The following SMURF1 variants were observed in gnomAD, a reference collection of about 807,000 sequenced individuals.
The protein encoded by SMURF1 is E3 ubiquitin-protein ligase SMURF1.
In SMURF1, 44 loss-of-function variants were observed where a neutral mutation model predicts 98.0. That is an observed-to-expected ratio of 0.45 (90% CI 0.35 to 0.58). The LOEUF is 0.58. SMURF1 is among the 20% of genes least tolerant of loss of function. SMURF1 has a pLI of 0.00. For synonymous variants in SMURF1, 396 were observed against 374.9 expected (o/e 1.06, Z -0.65); for missense variants, 687 against 938.4 (o/e 0.73, Z 3.50).
At chr7:99,051,335 G>A (rs368530272) in intron 8 of SMURF1, 22 bp downstream of exon 8, 3 of 1,588,110 alleles carry the variant, frequency 1.9e-6, no homozygotes, top group Non-Finnish European at 2.6e-6. Context: ...CAGCTGGGGG[G>A]TGTCCATTTC....
intron 1 of SMURF1, among the ~76,000 whole-genome samples, chr7:99,103,362 T>C (rs1797131340): frequency 6.6e-6 from 1 of 152,190 alleles, no homozygotes; most frequent in Non-Finnish European, 1.5e-5. Context: ...TGGAAAGTTA[T>C]AAAAGACACC....
Position 99,094,393 on chromosome 7 carries a change from T to C in SMURF1, c.56-32556A>G, listed in dbSNP as rs2150581939. ...ATAACTCCACAGGTAATTTTAAATATACAGCTCTGGCTAACTCAATACATC... is the reference window on the plus strand; with the variant it reads ...ATAACTCCACAGGTAATTTTAAATACACAGCTCTGGCTAACTCAATACATC... On this transcript the variant is annotated intron_variant, in intron 1 of 17. Transcript: ENST00000361368. Among the ~76,000 whole-genome samples, 5 of 152,366 alleles carry C rather than the reference T, an allele frequency of 3.3e-5. 1 individual carries two copies. The South Asian group carries it at 1.0e-3, about 32-fold the overall frequency.
Position 99,090,524 on chromosome 7 carries a change from AG to A in SMURF1, c.56-28688del, listed in dbSNP as rs575898060. 4.6e-4 allele frequency among the ~76,000 whole-genome samples: 70 copies of A among 152,304 alleles called. No homozygotes were observed. In the East Asian group the frequency reaches 0.012, roughly 27 times the overall value. On this transcript the variant is annotated intron_variant, in intron 1 of 17. Coordinates refer to ENST00000361368, the MANE Select transcript of SMURF1 (RefSeq NM_181349.3). ...GAGGAGGAGTGGGAAAGGGCAGGGC[AG>A]GGGGCAAGAAGAGAGAGAAAATGTA...
intron 1 of SMURF1, among the ~76,000 whole-genome samples, chr7:99,099,479 C>A (rs1190471476): frequency 1.3e-5 from 2 of 152,112 alleles, no homozygotes; most frequent in Non-Finnish European, 2.9e-5. Context: ...AAGGTCCGTG[C>A]AGTAATTCCT....
Position 99,049,661 on chromosome 7 carries a change from G to C in SMURF1, c.855C>G (p.Gly285=), listed in dbSNP as rs189621942. The C allele has an allele frequency of 1.2e-6, 2 of 1,614,132 alleles. No homozygotes were observed. The highest frequency in any genetic ancestry group is 1.7e-6 in the Non-Finnish European group (2 of 1,179,994). ...CAGAAACTGTACTTCTGACTTCCCA[G>C]CCTGGCGGCAGTGGTCCAAGTTCAT... ...NCDELGPLPP[G]WEVRSTVSGR... Residue 285 remains glycine, a synonymous_variant, in exon 9 of 18, where the codon GGC becomes GGG. Coordinates refer to ENST00000361368, the MANE Select transcript of SMURF1 (RefSeq NM_181349.3).
At chr7:99,067,500 C>T (rs1025180517) in intron 1 of SMURF1, among the ~76,000 whole-genome samples, 1 of 152,132 alleles carries the variant, frequency 6.6e-6, no homozygotes, top group Non-Finnish European at 1.5e-5. Flanking sequence ...TTCCTAATCA[C>T]ATCCCGTAGT....
At position 99,121,160 on chromosome 7, in the gene SMURF1, C is replaced by T. The variant is rs545467823; in HGVS notation, c.55+22566G>A. 4.8e-5 allele frequency: 7 copies of T among 146,042 alleles called. No homozygotes were observed. The South Asian group carries it at 1.5e-3, about 32-fold the overall frequency. 9.0% of individuals were successfully genotyped at this position (146,042 alleles called of 1,614,324 possible). On this transcript the variant is annotated intron_variant, in intron 1 of 17. Transcript: ENST00000361368. ...CATCTACTTACCAGTTCTGTTTCCC[C>T]AACACCCTGCTCTTCCCAAATATGT...
chr7:99,117,493 C>A (rs111367126), intron 1 of SMURF1, among the ~76,000 whole-genome samples: 11,317 of 151,800 alleles, frequency 0.075, 1,396 homozygotes, highest in African/African-American at 0.25. Flanking sequence ...GGATTACAGG[C>A]GCCCACCACC....
At position 99,059,397 on chromosome 7, in the gene SMURF1, C is replaced by CAAAAA. The variant is rs1194308241; in HGVS notation, c.203+1197_203+1201dup. 8.2e-3 allele frequency among the ~76,000 whole-genome samples: 467 copies of CAAAAA among 57,058 alleles called. 35 individuals are homozygous for CAAAAA. The highest frequency in any genetic ancestry group is 0.032 in the African/African-American group (440 of 13,880). 37.4% of individuals were successfully genotyped at this position (57,058 alleles called of 152,430 possible). A position where few individuals can be genotyped will look rare whatever the true frequency, so the allele number is the denominator to read the frequency against. On this transcript the variant is annotated intron_variant, in intron 3 of 17. Coordinates refer to ENST00000361368, the MANE Select transcript of SMURF1 (RefSeq NM_181349.3). ...TGGGCGACAGAGCAAGACTCCATCT[C>CAAAAA]AAAAAAAAATAAAATAAAATAAAAT...
intron 1 of SMURF1, among the ~76,000 whole-genome samples, chr7:99,127,527 A>G (rs2150634451): frequency 6.6e-6 from 1 of 152,100 alleles, no homozygotes; most frequent in Non-Finnish European, 1.5e-5. Context: ...CCCCATCTCT[A>G]AAAAAAATTT....
At chr7:99,037,932 C>T (rs1795210851) in intron 14 of SMURF1, among the ~76,000 whole-genome samples, 1 of 152,202 alleles carries the variant, frequency 6.6e-6, no homozygotes, top group Admixed American at 6.5e-5. Flanking sequence ...AAGTACAGCA[C>T]AGGACAGCGT....
At chr7:99,123,595 G>A (rs961041838) in intron 1 of SMURF1, among the ~76,000 whole-genome samples, 8 of 152,048 alleles carry the variant, frequency 5.3e-5, no homozygotes, top group Non-Finnish European at 8.8e-5. Context: ...GGGAATGTGG[G>A]GAGAACAAAT....
At chr7:99,140,912 A>G (rs1012443112) in intron 1 of SMURF1, among the ~76,000 whole-genome samples, 3 of 152,172 alleles carry the variant, frequency 2.0e-5, no homozygotes, top group African/African-American at 7.2e-5. Context: ...ACTTCCCTTA[A>G]CCAGAAAGAT....
At chr7:99,046,098 ATTC>A (rs2150518720) in intron 10 of SMURF1, among the ~76,000 whole-genome samples, 1 of 152,262 alleles carries the variant, frequency 6.6e-6, no homozygotes, top group East Asian at 1.9e-4. Context: ...ACTAGGGTTG[ATTC>A]TTCTCTGTAT....
At chr7:99,038,326 G>A in intron 14 of SMURF1, 62 bp downstream of exon 14, 2 of 1,586,378 alleles carry the variant, frequency 1.3e-6, no homozygotes, top group African/African-American at 1.3e-5. Flanking sequence ...AGGAGCTACA[G>A]CAACTAAATG....
In SMURF1 at chr7:99,030,260, C is replaced by A; in HGVS notation, c.*324G>T. 3.4e-6 allele frequency: 1 copy of A among 297,844 alleles called. No individual in the cohort carries two copies. Among genetic ancestry groups the A allele is most frequent in the Non-Finnish European group, 6.4e-6 (1 of 155,628 alleles). 18.5% of individuals were successfully genotyped at this position (297,844 alleles called of 1,614,324 possible). A position where few individuals can be genotyped will look rare whatever the true frequency, so the allele number is the denominator to read the frequency against. On this transcript the variant is annotated 3_prime_UTR_variant, in exon 18 of 18. Coordinates refer to ENST00000361368, the MANE Select transcript of SMURF1 (RefSeq NM_181349.3). ...TGAGTTGATGCTCCCGTAAAGAGCT[C>A]AGGGCTGTGAGCCTTATCACCACAT...
At chr7:99,119,811 T>C (rs1797559003) in intron 1 of SMURF1, among the ~76,000 whole-genome samples, 1 of 152,220 alleles carries the variant, frequency 6.6e-6, no homozygotes, top group Non-Finnish European at 1.5e-5. Context: ...GAAAGAGAGA[T>C]TGTATAAAAT....
At chr7:99,038,547 A>C (rs769565029) in intron 13 of SMURF1, 22 bp from the exon 14 acceptor site, 3 of 1,611,864 alleles carry the variant, frequency 1.9e-6, no homozygotes, top group African/African-American at 1.3e-5. Context: ...AGACAGAAGG[A>C]TGTAGGTTAG....
rs573254765 is a variant in SMURF1, at chr7:99,087,899, T to C, written c.56-26062A>G. On this transcript the variant is annotated intron_variant, in intron 1 of 17. Coordinates refer to ENST00000361368, the MANE Select transcript of SMURF1 (RefSeq NM_181349.3). ...AAATGAATAAAACATTTTCATTGTA[T>C]AACTCTCCTACACATAAACCTCTGA... is the stretch of plus-strand genomic sequence containing the variant. Among the ~76,000 whole-genome samples the C allele has an allele frequency of 5.7e-4, 87 of 152,216 alleles. 1 individual carries two copies. Among genetic ancestry groups the C allele is most frequent in the African/African-American group, 2.0e-3 (84 of 41,530 alleles).
Sources: gnomAD v4.1 joint callset for allele counts (sites outside exome capture counted in the v4.1 genomes callset) on GRCh38, gnomAD v4.1.1 for gene constraint, MANE v1.5 for transcripts, NCBI Gene and HGNC (gene_info 2026-07-23, HGNC 2026-07-21) for gene names.